Variants in NVL observed in about 807,000 individuals in gnomAD.
NVL encodes the protein nuclear VCP like.
Under a neutral mutation model 110.2 loss-of-function variants are expected in NVL, and 84 were observed. The ratio of observed to expected loss-of-function variants is 0.76; its 90% CI spans 0.64 to 0.91. The LOEUF (loss-of-function observed/expected upper bound fraction) is 0.91. NVL is among the 40% of genes least tolerant of loss of function. NVL has a pLI of 0.00. For missense variants in NVL, 882 were observed against 1,035.9 expected, an observed-to-expected ratio of 0.85 and a Z score of 2.04; for synonymous variants, 354 against 361.1, an observed-to-expected ratio of 0.98 and a Z score of 0.22.
intron 18 of NVL, among the ~76,000 whole-genome samples, chr1:224,251,154 A>G (rs184766746): frequency 6.6e-6 from 1 of 151,394 alleles, no homozygotes; most frequent in Non-Finnish European, 1.5e-5. Flanking sequence ...CACACCTGTA[A>G]TCCCACCTAC....
At chr1:224,288,881 C>T (rs1410629002) in intron 13 of NVL, among the ~76,000 whole-genome samples, 5 of 151,996 alleles carry the variant, frequency 3.3e-5, no homozygotes, top group South Asian at 4.1e-4. Context: ...AATTTAATAC[C>T]GATCTTGGAC....
chr1:224,243,582 G>A (rs1424232053), intron 19 of NVL, among the ~76,000 whole-genome samples: 3 of 151,612 alleles, frequency 2.0e-5, no homozygotes, highest in South Asian at 2.1e-4. Flanking sequence ...GTGTATAAAT[G>A]TAAAATGAAA....
At chr1:224,264,921 T>A (rs1664342240) in intron 18 of NVL, among the ~76,000 whole-genome samples, 2 of 151,986 alleles carry the variant, frequency 1.3e-5, no homozygotes, top group African/African-American at 2.4e-5. Context: ...TAATCTTTTT[T>A]AATTTTTAGT....
intron 22 of NVL, among the ~76,000 whole-genome samples, chr1:224,230,117 C>T (rs1413159251): frequency 6.6e-6 from 1 of 152,202 alleles, no homozygotes; most frequent in Admixed American, 6.6e-5. Flanking sequence ...CAGGCATAAG[C>T]CCCTGTGCCC....
At chr1:224,321,632 T>C (rs1042984089) in intron 2 of NVL, among the ~76,000 whole-genome samples, 1 of 152,016 alleles carries the variant, frequency 6.6e-6, no homozygotes, top group Admixed American at 6.6e-5. Context: ...GGTGTACACC[T>C]GTAGTCCTGG....
At position 224,296,562 on chromosome 1, in the gene NVL, T is replaced by C; in HGVS notation, c.1119A>G (p.Arg373=). 2 of 1,609,480 alleles carry C rather than the reference T, an allele frequency of 1.2e-6. No individual in the cohort carries two copies. The highest frequency in any genetic ancestry group is 1.7e-6 in the Non-Finnish European group (2 of 1,177,944). ...GTTCCATATCTTTTGAAGCCACTTC[T>C]CTTTTGGGGGTAATAGCATCAATTT... The part of the protein sequence containing the change: ...IDEIDAITPK[R]EVASKDMERR... Residue 373 remains arginine, a synonymous_variant, in exon 11 of 23, where the codon AGA becomes AGG. Transcript: ENST00000281701.
intron 16 of NVL, among the ~76,000 whole-genome samples, chr1:224,279,931 GC>G (rs1188241741): frequency 6.6e-6 from 1 of 152,024 alleles, no homozygotes; most frequent in East Asian, 1.9e-4. Flanking sequence ...TGATCCTCTT[GC>G]CTCAGCCTCC....
At chr1:224,272,706 G>A (rs940158147) in intron 17 of NVL, among the ~76,000 whole-genome samples, 6 of 151,846 alleles carry the variant, frequency 4.0e-5, no homozygotes, top group African/African-American at 1.4e-4. Context: ...GACAGAGCAA[G>A]ACTCTGTCTC....
intron 16 of NVL, among the ~76,000 whole-genome samples, chr1:224,279,503 G>T (rs905035135): frequency 2.6e-5 from 4 of 152,098 alleles, no homozygotes; most frequent in Non-Finnish European, 4.4e-5. Context: ...ATTTAAAGGG[G>T]TTTTTTGTTT....
chr1:224,235,950 A>AG (rs1247313956), intron 20 of NVL, among the ~76,000 whole-genome samples: 1 of 151,982 alleles, frequency 6.6e-6, no homozygotes, highest in Non-Finnish European at 1.5e-5. Flanking sequence ...AAAAAAGAAA[A>AG]AAAAGAAAAC....
At chr1:224,295,497 G>A (rs1267352921) in intron 11 of NVL, among the ~76,000 whole-genome samples, 1 of 151,974 alleles carries the variant, frequency 6.6e-6, no homozygotes, top group Non-Finnish European at 1.5e-5. Flanking sequence ...ACTGCGCCCA[G>A]CCACAGTGTG....
intron 19 of NVL, 88 bp downstream of exon 19, chr1:224,250,124 T>A: frequency 1.5e-6 from 2 of 1,336,614 alleles, no homozygotes; most frequent in African/African-American, 1.5e-5. Context: ...AAGAAAGTAA[T>A]CAGTCAACGA....
chr1:224,305,070 C>A lies in NVL; in HGVS notation c.712G>T (p.Val238Leu). 1 of 1,613,894 alleles carries A rather than the reference C, an allele frequency of 6.2e-7. No homozygotes were observed. Among genetic ancestry groups the A allele is most frequent in the East Asian group, 2.2e-5 (1 of 44,876 alleles). The change falls in exon 7 of 23, where the codon GTA becomes TTA. Residue 238 changes from valine (V) to leucine (L), a missense_variant. By Grantham distance (32) the Val-to-Leu change is conservative. Transcript: ENST00000281701. ...AGGACAGCTTCAATTTCTCCATCTA[C>A]TTCCTGAAGATCTTCTTTCTTCCTT... ...SKRKKEDLQE[V>L]DGEIEAVLQK...
intron 15 of NVL, 134 bp from the exon 16 acceptor site, chr1:224,281,319 T>C: frequency 1.6e-6 from 1 of 627,938 alleles, no homozygotes; most frequent in Non-Finnish European, 2.8e-6. Flanking sequence ...GTGTGAGATT[T>C]AGATGGAGTC....
intron 21 of NVL, 26 bp downstream of exon 21, chr1:224,233,175 T>G (rs757812099): frequency 6.3e-7 from 1 of 1,584,890 alleles, no homozygotes; most frequent in Non-Finnish European, 8.6e-7. Flanking sequence ...ATAATTAGAA[T>G]TGAGAGATTC....
Position 224,289,578 on chromosome 1 carries a change from T to A in NVL, c.1481A>T (p.Gln494Leu). 6.2e-7 allele frequency: 1 copy of A among 1,614,272 alleles called. No individual in the cohort carries two copies. The highest frequency in any genetic ancestry group is 8.5e-7 in the Non-Finnish European group (1 of 1,180,054). The change falls in exon 13 of 23, where the codon CAG becomes CTG. Residue 494 changes from glutamine (Q) to leucine (L), a missense_variant. By Grantham distance (113) the Gln-to-Leu change is moderately radical. Around this residue, in one of 4 missense-constraint regions of NVL, gnomAD observed 416 missense variants for 499.3 expected, o/e 0.83. Coordinates refer to ENST00000281701, the MANE Select transcript of NVL (RefSeq NM_002533.4). ...TTCAGGATTTTTCTTCTGCTGTTCCTGTAGCTTCATTAAGACTCTATTGAC... is the reference window on the plus strand; with the variant it reads ...TTCAGGATTTTTCTTCTGCTGTTCCAGTAGCTTCATTAAGACTCTATTGAC... ...CAVNRVLMKL[Q>L]EQQKKNPEME... is the part of the protein sequence containing the mutation.
intron 18 of NVL, among the ~76,000 whole-genome samples, chr1:224,263,324 T>C (rs1664166999): frequency 6.6e-6 from 1 of 152,142 alleles, no homozygotes; most frequent in Non-Finnish European, 1.5e-5. Flanking sequence ...TGTTGTGAGG[T>C]TTACAATGGT....
chr1:224,253,613 A>G (rs532944285), intron 18 of NVL, among the ~76,000 whole-genome samples: 5 of 151,554 alleles, frequency 3.3e-5, no homozygotes, highest in Admixed American at 2.6e-4. Flanking sequence ...CATGCCTGTA[A>G]TCTCAGCTAT....
Position 224,304,746 on chromosome 1 carries a change from A to G in NVL, c.815T>C (p.Met272Thr). 1.9e-6 allele frequency: 3 copies of G among 1,613,652 alleles called. No homozygotes were observed. The highest frequency in any genetic ancestry group is 2.2e-5 in the East Asian group (1 of 44,864). ...VKFEDVGGND[M>T]TLKEVCKMLI... is the part of the protein sequence containing the mutation. ...AGAATTTGCACTAACTTTTAATGTC[A>G]TATCATTGCCTCCCACATCTTCAAA... Residue 272 changes from methionine to threonine, a missense_variant, in exon 8 of 23, where the codon ATG becomes ACG. By Grantham distance (81) the Met-to-Thr change is moderately conservative. Coordinates refer to ENST00000281701, the MANE Select transcript of NVL (RefSeq NM_002533.4).
Sources: allele counts gnomAD v4.1 joint callset (sites outside exome capture counted in the v4.1 genomes callset), GRCh38; gene constraint gnomAD v4.1.1; regional missense constraint gnomAD v4.1.1; transcripts MANE v1.5; gene names NCBI Gene and HGNC (gene_info 2026-07-23, HGNC 2026-07-21).